NRG2: variants seen among roughly 807,000 people sequenced by gnomAD.
NRG2 encodes the protein neuregulin 2.
A neutral mutation model predicts 73.9 loss-of-function variants in NRG2; 27 were observed. That is an observed-to-expected ratio of 0.37 (90% confidence interval 0.27 to 0.50). NRG2 has a LOEUF of 0.50. Among genes scored for constraint, NRG2 ranks in the 20% least tolerant of loss-of-function variants. The pLI is 0.96. For synonymous variants in NRG2, 532 were observed against 541.0 expected (o/e 0.98, Z 0.23); for missense variants, 1,126 against 1,210.1 (o/e 0.93, Z 1.03).
intron 1 of NRG2, among the ~76,000 whole-genome samples, chr5:139,893,924 A>G (rs1458157710): frequency 1.3e-5 from 2 of 152,122 alleles, no homozygotes; most frequent in Admixed American, 6.5e-5. Flanking sequence ...TCTGCTTCCT[A>G]TCTCCTGGTG....
rs1017000095 is a variant in NRG2, at chr5:139,954,903, T to C, written c.701-67392A>G. ...TATTGGTGTTGTTATTATTGTTCTA[T>C]TCATGATCCTTCCAGTCTGACCCCA... On this transcript the variant is annotated intron_variant, in intron 1 of 9. Coordinates refer to ENST00000361474, the MANE Select transcript of NRG2 (RefSeq NM_004883.3). The surrounding 1 kb of genome is among the most constrained non-coding windows in gnomAD (Gnocchi z 5.0). Among the ~76,000 whole-genome samples, 4 of 152,154 alleles carry C rather than the reference T, an allele frequency of 2.6e-5. No homozygotes were observed. Among genetic ancestry groups the C allele is most frequent in the Non-Finnish European group, 4.4e-5 (3 of 68,040 alleles).
At chr5:140,039,000 T>C (rs73268826) in intron 1 of NRG2, among the ~76,000 whole-genome samples, 1 of 152,278 alleles carries the variant, frequency 6.6e-6, no homozygotes, top group African/African-American at 2.4e-5. Flanking sequence ...GTGAACCACC[T>C]TTCTCTAATA....
chr5:139,886,466 C>T (rs1419051401), intron 2 of NRG2, among the ~76,000 whole-genome samples: 1 of 152,138 alleles, frequency 6.6e-6, no homozygotes, highest in Admixed American at 6.5e-5. Context: ...AAATGACAGC[C>T]AGGAAAGGAG....
In NRG2 at chr5:139,962,611, C is replaced by T. The variant is rs142513685; in HGVS notation, c.701-75100G>A. On this transcript the variant is annotated intron_variant, in intron 1 of 9. Coordinates refer to ENST00000361474, the MANE Select transcript of NRG2 (RefSeq NM_004883.3). The stretch of plus-strand genomic sequence containing the variant: ...CAGCCAGGGCATTTGCTCAGACCGT[C>T]TTCACAGGAAGTCCTGTGAAGTTAC... 8.9e-4 allele frequency among the ~76,000 whole-genome samples: 135 copies of T among 152,302 alleles called. 1 individual carries two copies. Among genetic ancestry groups the T allele is most frequent in the African/African-American group, 3.1e-3 (129 of 41,560 alleles).
intron 2 of NRG2, among the ~76,000 whole-genome samples, chr5:139,886,161 TTC>T (rs943029224): frequency 6.6e-6 from 1 of 152,228 alleles, no homozygotes; most frequent in Admixed American, 6.5e-5. Flanking sequence ...CTTAATTACA[TTC>T]TGTTTTCTGC....
intron 1 of NRG2, among the ~76,000 whole-genome samples, chr5:139,994,090 A>G (rs1327799819): frequency 1.3e-5 from 2 of 152,220 alleles, no homozygotes; most frequent in Admixed American, 1.3e-4. Flanking sequence ...AGACTCCCCA[A>G]ATAGCCCAGG....
intron 1 of NRG2, among the ~76,000 whole-genome samples, chr5:139,960,089 A>G (rs1754943874): frequency 6.6e-6 from 1 of 152,216 alleles, no homozygotes; most frequent in Non-Finnish European, 1.5e-5. Context: ...CCACACATCA[A>G]TTGCCACTAA....
intron 5 of NRG2, among the ~76,000 whole-genome samples, chr5:139,863,025 C>T (rs1051243836): frequency 6.6e-6 from 1 of 152,176 alleles, no homozygotes; most frequent in African/African-American, 2.4e-5. Flanking sequence ...TGCTGCCCTG[C>T]CCCCGCATAC....
chr5:139,865,301 T>G lies in NRG2; in HGVS notation c.1189+248A>C. ...CCACCGTTACCATTTGTATTGGCCT[T>G]GCCACTCTGCCCCTTACCTGCAGCC... On this transcript the variant is annotated intron_variant, in intron 5 of 9. Coordinates refer to ENST00000361474, the MANE Select transcript of NRG2 (RefSeq NM_004883.3). This position sits in a 1 kb window ranked among gnomAD's most constrained non-coding sequence, Gnocchi z 5.2. 1.2e-6 allele frequency: 1 copy of G among 818,804 alleles called. No individual in the cohort carries two copies. The highest frequency in any genetic ancestry group is 2.1e-6 in the Non-Finnish European group (1 of 476,280). The allele number at this position is 818,804 out of a possible 1,614,324, so 50.7% of individuals were successfully genotyped here. A position where few individuals can be genotyped will look rare whatever the true frequency, so the allele number is the denominator to read the frequency against.
intron 1 of NRG2, among the ~76,000 whole-genome samples, chr5:139,911,717 C>T (rs1750836466): frequency 6.6e-6 from 1 of 152,182 alleles, no homozygotes; most frequent in Non-Finnish European, 1.5e-5. Context: ...GACCCTGAGC[C>T]ACAGTTCTCA....
chr5:139,886,505 T>C (rs910275543), intron 2 of NRG2, among the ~76,000 whole-genome samples: 1 of 151,468 alleles, frequency 6.6e-6, no homozygotes, highest in African/African-American at 2.4e-5. Context: ...GGAGGGAGGG[T>C]AGAAAAGGTT....
chr5:140,012,096 C>T (rs1759410597), intron 1 of NRG2, among the ~76,000 whole-genome samples: 3 of 152,166 alleles, frequency 2.0e-5, no homozygotes, highest in Admixed American at 2.0e-4. Context: ...TCAGTGTGCC[C>T]CAGTCTCATC....
intron 1 of NRG2, among the ~76,000 whole-genome samples, chr5:139,986,603 A>C (rs979033882): frequency 1.1e-4 from 16 of 152,256 alleles, no homozygotes; most frequent in African/African-American, 3.4e-4. Context: ...CACACCTAAA[A>C]GGGCCCCTGG....
At chr5:140,035,299 A>T (rs1156554991) in intron 1 of NRG2, among the ~76,000 whole-genome samples, 2 of 152,116 alleles carry the variant, frequency 1.3e-5, no homozygotes, top group South Asian at 4.2e-4. Context: ...ACTTTCTTTA[A>T]TCTTCTAACC....
At chr5:139,997,947 G>T (rs555798967) in intron 1 of NRG2, among the ~76,000 whole-genome samples, 62 of 152,350 alleles carry the variant, frequency 4.1e-4, no homozygotes, top group Admixed American at 1.5e-3. Flanking sequence ...GGAAGCTTTT[G>T]TTAAACACTT....
chr5:139,945,844 GA>G (rs1753764794), intron 1 of NRG2, among the ~76,000 whole-genome samples: 2 of 151,800 alleles, frequency 1.3e-5, no homozygotes, highest in African/African-American at 4.8e-5. Flanking sequence ...ATGAAATTAA[GA>G]AAACAATTCC....
At chr5:139,986,190 A>T (rs534832919) in intron 1 of NRG2, among the ~76,000 whole-genome samples, 1 of 152,334 alleles carries the variant, frequency 6.6e-6, no homozygotes, top group Admixed American at 6.5e-5. Context: ...AACTGAGGTA[A>T]TGGGAAGGAA....
At chr5:139,932,331 G>A (rs1288967373) in intron 1 of NRG2, among the ~76,000 whole-genome samples, 2 of 151,898 alleles carry the variant, frequency 1.3e-5, no homozygotes, top group Non-Finnish European at 2.9e-5. Flanking sequence ...GATGGACCAG[G>A]AGGACAGGAA....
intron 1 of NRG2, among the ~76,000 whole-genome samples, chr5:139,980,170 C>T (rs1242570052): frequency 6.6e-6 from 1 of 152,094 alleles, no homozygotes; most frequent in African/African-American, 2.4e-5. Flanking sequence ...CCATGAAATT[C>T]TCTCCCCACA....
Sources: gnomAD v4.1 joint callset for allele counts (sites outside exome capture counted in the v4.1 genomes callset) on GRCh38, gnomAD v4.1.1 for gene constraint, Gnocchi (gnomAD v3.1) non-coding constraint, MANE v1.5 for transcripts, NCBI Gene and HGNC (gene_info 2026-07-23, HGNC 2026-07-21) for gene names.